SLMAP: variants seen among roughly 807,000 people sequenced by gnomAD.
SLMAP encodes sarcolemmal membrane-associated protein.
Under a neutral mutation model 128.8 loss-of-function variants are expected in SLMAP, and 44 were observed. That is an observed-to-expected ratio of 0.34 (90% confidence interval 0.27 to 0.44). The LOEUF (loss-of-function observed/expected upper bound fraction) is 0.44, where lower values mean the gene tolerates loss of function less well. SLMAP is among the 20% of genes least tolerant of loss of function. The pLI, the probability that SLMAP is intolerant of heterozygous loss-of-function variation, is 1.00. For missense variants in SLMAP, 787 were observed against 985.3 expected, an observed-to-expected ratio of 0.80 and a Z score of 2.69; for synonymous variants, 327 against 348.8, an observed-to-expected ratio of 0.94 and a Z score of 0.70.
intron 2 of SLMAP, among the ~76,000 whole-genome samples, chr3:57,781,324 T>C (rs2083016342): frequency 6.6e-6 from 1 of 152,166 alleles, no homozygotes; most frequent in African/African-American, 2.4e-5. Flanking sequence ...GGATATAAAA[T>C]AGGTTATAAA....
chr3:57,865,691 C>A (rs1370408211), intron 13 of SLMAP, among the ~76,000 whole-genome samples: 11 of 152,162 alleles, frequency 7.2e-5, no homozygotes, highest in Admixed American at 5.9e-4. Flanking sequence ...TTGGACATAT[C>A]ATAGAAACTA....
intron 3 of SLMAP, among the ~76,000 whole-genome samples, chr3:57,837,710 A>G (rs1181770326): frequency 6.6e-6 from 1 of 151,990 alleles, no homozygotes; most frequent in East Asian, 1.9e-4. Context: ...AACTCATCAG[A>G]CCCTCAGATC....
At chr3:57,800,137 G>T (rs1431118813) in intron 2 of SLMAP, 1 of 152,166 alleles carries the variant, frequency 6.6e-6, no homozygotes, top group East Asian at 1.9e-4. Context: ...GGTAGTTTGG[G>T]ATCAGTTGTA....
intron 3 of SLMAP, among the ~76,000 whole-genome samples, chr3:57,831,823 A>G: frequency 6.6e-6 from 1 of 152,142 alleles, no homozygotes; most frequent in East Asian, 1.9e-4. Flanking sequence ...ATTATTGATG[A>G]TGAGACTTAA....
intron 2 of SLMAP, among the ~76,000 whole-genome samples, chr3:57,798,505 A>C (rs1024229642): frequency 1.3e-5 from 2 of 152,120 alleles, no homozygotes; most frequent in African/African-American, 4.8e-5. Context: ...ATTTTTCCTC[A>C]ACTGATGTTT....
At chr3:57,881,852 C>A (rs2095752861) in intron 14 of SLMAP, among the ~76,000 whole-genome samples, 1 of 152,036 alleles carries the variant, frequency 6.6e-6, no homozygotes, top group Non-Finnish European at 1.5e-5. Flanking sequence ...AGCTAATTAG[C>A]CAGGAGCAGT....
In SLMAP at chr3:57,839,434, A is replaced by ATTTTTT. The variant is rs1189313640; in HGVS notation, c.347-1846_347-1841dup. Among the ~76,000 whole-genome samples, 163 of 82,808 alleles carry ATTTTTT rather than the reference A, an allele frequency of 2.0e-3. 2 individuals are homozygous for ATTTTTT. Among genetic ancestry groups the ATTTTTT allele is most frequent in the Middle Eastern group, 0.023 (2 of 86 alleles). The allele number at this position is 82,808 out of a possible 152,430, so 54.3% of individuals were successfully genotyped here. A position where few individuals can be genotyped will look rare whatever the true frequency, so the allele number is the denominator to read the frequency against. ...TAATATCCCCAAATGCATTAGCTCT[A>ATTTTTT]TTTTTTTTTTTTTTTTTTTTTTTTG... is the stretch of plus-strand genomic sequence containing the variant. On this transcript the variant is annotated intron_variant, in intron 3 of 24. Coordinates refer to ENST00000671191, the MANE Select transcript of SLMAP (RefSeq NM_001377540.1).
chr3:57,782,940 C>T lies in SLMAP; in HGVS notation c.198+25091C>T, dbSNP rs533318640. On this transcript the variant is annotated intron_variant, in intron 2 of 24. Coordinates refer to ENST00000671191, the MANE Select transcript of SLMAP (RefSeq NM_001377540.1). ...CAAGAAGGCCCTCACTAGATGATGGCACCTTGATACAGAACTTCTAGCTCC... is the reference window on the plus strand; with the variant it reads ...CAAGAAGGCCCTCACTAGATGATGGTACCTTGATACAGAACTTCTAGCTCC... 3.3e-5 allele frequency among the ~76,000 whole-genome samples: 5 copies of T among 152,296 alleles called. No homozygotes were observed. The South Asian group carries it at 1.0e-3, about 32-fold the overall frequency.
Position 57,845,548 on chromosome 3 carries a change from C to T in SLMAP, c.420-1649C>T, listed in dbSNP as rs568729366. 3.3e-5 allele frequency among the ~76,000 whole-genome samples: 5 copies of T among 152,286 alleles called. No homozygotes were observed. In the South Asian group the frequency reaches 1.0e-3, roughly 32 times the overall value. On this transcript the variant is annotated intron_variant, in intron 4 of 24. Transcript: ENST00000671191. Reference sequence around the variant, plus strand: ...GTTCAAGCTAAGAACTTTACTCAGTCAACCTTCAAGCTAACCATTATAAGA... The same window carrying T: ...GTTCAAGCTAAGAACTTTACTCAGTTAACCTTCAAGCTAACCATTATAAGA...
Position 57,775,315 on chromosome 3 carries a change from T to TA in SLMAP, c.198+17467dup, listed in dbSNP as rs536707325. On this transcript the variant is annotated intron_variant, in intron 2 of 24. Coordinates refer to ENST00000671191, the MANE Select transcript of SLMAP (RefSeq NM_001377540.1). Reference sequence around the variant, plus strand: ...CCCCGGCCTCCCAAAGTGCTGGGATTACAGGCGTGGGCCACCGCGCCCGGC... The same window carrying TA: ...CCCCGGCCTCCCAAAGTGCTGGGATTAACAGGCGTGGGCCACCGCGCCCGGC... 2.1e-3 allele frequency among the ~76,000 whole-genome samples: 320 copies of TA among 152,186 alleles called. 1 individual carries two copies. Among genetic ancestry groups the TA allele is most frequent in the African/African-American group, 7.1e-3 (293 of 41,558 alleles).
At chr3:57,915,617 A>C (rs17058655) in intron 21 of SLMAP, among the ~76,000 whole-genome samples, 1 of 152,212 alleles carries the variant, frequency 6.6e-6, no homozygotes, top group Admixed American at 6.5e-5. Context: ...TAGTAGTTCA[A>C]TTACCATAGT....
At chr3:57,844,325 C>G (rs973444159) in intron 4 of SLMAP, among the ~76,000 whole-genome samples, 2 of 151,842 alleles carry the variant, frequency 1.3e-5, no homozygotes, top group Non-Finnish European at 2.9e-5. Context: ...ACCCCGGAGG[C>G]GGAAGTTGCA....
chr3:57,833,545 G>A (rs1027057115), intron 3 of SLMAP, among the ~76,000 whole-genome samples: 31 of 151,582 alleles, frequency 2.0e-4, no homozygotes, highest in African/African-American at 6.6e-4. Flanking sequence ...TCAGCCTCTC[G>A]AGTAGCTGGG....
At chr3:57,783,371 A>G (rs1161722918) in intron 2 of SLMAP, among the ~76,000 whole-genome samples, 1 of 152,210 alleles carries the variant, frequency 6.6e-6, no homozygotes, top group Non-Finnish European at 1.5e-5. Context: ...AGTAAAGGTC[A>G]TCTTTGTTAT....
At chr3:57,925,767 A>G in intron 23 of SLMAP, 78 bp from the exon 24 acceptor site, 4 of 953,592 alleles carry the variant, frequency 4.2e-6, no homozygotes, top group Non-Finnish European at 6.6e-6. Context: ...CCTACCTCCC[A>G]CCCTACTGGG....
At chr3:57,916,860 C>T in intron 21 of SLMAP, 46 bp from the exon 22 acceptor site, 1 of 1,530,956 alleles carries the variant, frequency 6.5e-7, no homozygotes, top group South Asian at 1.2e-5. Flanking sequence ...CCTTCTGTGT[C>T]CAGTTTCTAC....
intron 6 of SLMAP, among the ~76,000 whole-genome samples, chr3:57,854,439 A>G (rs536275968): frequency 6.3e-4 from 96 of 152,186 alleles, no homozygotes; most frequent in African/African-American, 2.2e-3. Context: ...CTCCACAAAA[A>G]ATACAAAAAT....
At chr3:57,825,500 CTT>C (rs539901060) in intron 2 of SLMAP, among the ~76,000 whole-genome samples, 19 of 106,548 alleles carry the variant, frequency 1.8e-4, no homozygotes, top group Non-Finnish European at 2.8e-4. Context: ...TGTGTGTTTT[CTT>C]TTTTTTTTTT....
intron 14 of SLMAP, among the ~76,000 whole-genome samples, chr3:57,873,191 A>G (rs899448373): frequency 3.3e-5 from 5 of 152,230 alleles, no homozygotes; most frequent in Non-Finnish European, 5.9e-5. Context: ...TAAATGTGAC[A>G]TATTTCTTTG....
Sources: gnomAD v4.1 joint callset for allele counts (sites outside exome capture counted in the v4.1 genomes callset) on GRCh38, gnomAD v4.1.1 for gene constraint, MANE v1.5 for transcripts, NCBI Gene and HGNC (gene_info 2026-07-23, HGNC 2026-07-21) for gene names.